Variants in STXBP5 observed in about 807,000 individuals in gnomAD.
STXBP5 encodes the protein syntaxin binding protein 5, also known as syntaxin-binding protein 5.
Under a neutral mutation model 152.4 loss-of-function variants are expected in STXBP5, and 50 were observed. That is an observed-to-expected ratio of 0.33 (90% confidence interval 0.26 to 0.42). STXBP5 has a LOEUF of 0.42. Ranked by LOEUF, STXBP5 falls within the 10% of genes least tolerant of loss-of-function variation. The probability of loss-of-function intolerance (pLI) is 1.00; values close to 1 mark genes in which losing one functional copy is unlikely to be tolerated. For missense variants in STXBP5, 1,167 were observed against 1,388.6 expected (o/e 0.84, Z 2.54); for synonymous variants, 492 against 494.7 (o/e 0.99, Z 0.07).
At chr6:147,213,778 A>G (rs965864624) in intron 2 of STXBP5, among the ~76,000 whole-genome samples, 4 of 152,100 alleles carry the variant, frequency 2.6e-5, no homozygotes, top group African/African-American at 9.7e-5. Flanking sequence ...CAGATAAGGA[A>G]ATAGTTTTTT....
In STXBP5 at chr6:147,386,547, T is replaced by C. The variant is rs1325268049; in HGVS notation, c.*1792T>C. 1 of 151,758 alleles carries C rather than the reference T, an allele frequency of 6.6e-6. No homozygotes were observed. Among genetic ancestry groups the C allele is most frequent in the African/African-American group, 2.4e-5 (1 of 41,398 alleles). The allele number at this position is 151,758 out of a possible 1,614,324, so 9.4% of individuals were successfully genotyped here. ...AGATAATTGATCAAGCCAAAAGAAA[T>C]ATTTTTTAAATAAGCCCTTTTCAAA... On this transcript the variant is annotated 3_prime_UTR_variant, in exon 28 of 28. Transcript: ENST00000321680.
Position 147,353,390 on chromosome 6 carries a change from T to C in STXBP5, c.2305+17T>C, listed in dbSNP as rs1784675627. 2 of 1,522,176 alleles carry C rather than the reference T, an allele frequency of 1.3e-6. No homozygotes were observed. Among genetic ancestry groups the C allele is most frequent in the South Asian group, 2.5e-5 (2 of 79,580 alleles). The allele number at this position is 1,522,176 out of a possible 1,614,324, so 94.3% of individuals were successfully genotyped here. The stretch of plus-strand genomic sequence containing the variant: ...CTGATTTAGGTAAGTAAAATAAATA[T>C]TCAAAATAATTTAACTCCCTATAAT... On this transcript the variant is annotated intron_variant, in intron 22 of 27. Coordinates refer to ENST00000321680, the MANE Select transcript of STXBP5 (RefSeq NM_001127715.4).
chr6:147,370,820 A>T (rs1344250841), intron 25 of STXBP5, among the ~76,000 whole-genome samples: 1 of 152,038 alleles, frequency 6.6e-6, no homozygotes, highest in African/African-American at 2.4e-5. Flanking sequence ...CTGTGTGTTT[A>T]TCCTGGAGAT....
rs566309176 is a variant in STXBP5, at chr6:147,258,847, C to A, written c.432-1768C>A. 3.8e-3 allele frequency among the ~76,000 whole-genome samples: 579 copies of A among 152,030 alleles called. 4 individuals are homozygous for A. Among genetic ancestry groups the A allele is most frequent in the Non-Finnish European group, 6.4e-3 (438 of 68,000 alleles). ...ATTTAATTATTTTATCATTTAAACC[C>A]TCCATAAGGTAAGGATTTTAATATC... On this transcript the variant is annotated intron_variant, in intron 4 of 27. Coordinates refer to ENST00000321680, the MANE Select transcript of STXBP5 (RefSeq NM_001127715.4).
intron 2 of STXBP5, among the ~76,000 whole-genome samples, chr6:147,230,314 C>A (rs1224857267): frequency 1.3e-5 from 2 of 151,862 alleles, no homozygotes; most frequent in African/African-American, 4.8e-5. Context: ...AAAATTACAA[C>A]TAGAATTAGA....
At chr6:147,275,664 TCTC>T (rs1410671440) in intron 7 of STXBP5, among the ~76,000 whole-genome samples, 2 of 149,036 alleles carry the variant, frequency 1.3e-5, no homozygotes, top group Admixed American at 6.8e-5. Context: ...TTCACGCCAT[TCTC>T]CTGCCTCAGC....
intron 4 of STXBP5, among the ~76,000 whole-genome samples, chr6:147,254,176 AAAAC>A (rs1779242932): frequency 6.6e-6 from 1 of 152,182 alleles, no homozygotes; most frequent in African/African-American, 2.4e-5. Flanking sequence ...AAACCTGACA[AAAAC>A]AAGCAATGGG....
intron 21 of STXBP5, among the ~76,000 whole-genome samples, chr6:147,344,835 T>G (rs953428089): frequency 6.6e-5 from 10 of 152,226 alleles, no homozygotes; most frequent in African/African-American, 2.4e-4. Flanking sequence ...TTGTATTCGG[T>G]ACAGAATTCT....
intron 2 of STXBP5, among the ~76,000 whole-genome samples, chr6:147,232,081 A>C (rs1778033864): frequency 6.6e-6 from 1 of 151,820 alleles, no homozygotes; most frequent in Non-Finnish European, 1.5e-5. Context: ...GCAGTTCTGC[A>C]AGCTAGTCTA....
At chr6:147,301,450 G>A (rs2128361966) in intron 9 of STXBP5, among the ~76,000 whole-genome samples, 1 of 152,058 alleles carries the variant, frequency 6.6e-6, no homozygotes, top group Non-Finnish European at 1.5e-5. Context: ...ATCTCTTTGA[G>A]TCTATGGACT....
chr6:147,322,580 T>G (rs1056446264), intron 16 of STXBP5, among the ~76,000 whole-genome samples: 1 of 152,184 alleles, frequency 6.6e-6, no homozygotes, highest in Non-Finnish European at 1.5e-5. Context: ...TGGCAGGAAA[T>G]TCAACATCGA....
intron 2 of STXBP5, among the ~76,000 whole-genome samples, chr6:147,215,653 A>G (rs1029807291): frequency 2.0e-5 from 3 of 152,216 alleles, no homozygotes; most frequent in Admixed American, 1.3e-4. Flanking sequence ...GAGTACTTGC[A>G]TTATAGGCGT....
At chr6:147,327,581 A>G (rs1197609963) in intron 18 of STXBP5, among the ~76,000 whole-genome samples, 2 of 152,124 alleles carry the variant, frequency 1.3e-5, no homozygotes, top group Non-Finnish European at 2.9e-5. Flanking sequence ...AGCTGGGACC[A>G]TAGGCACATG....
intron 19 of STXBP5, among the ~76,000 whole-genome samples, chr6:147,337,081 C>T (rs542131600): frequency 2.6e-5 from 4 of 151,982 alleles, no homozygotes; most frequent in Admixed American, 6.6e-5. Flanking sequence ...AAGGGAAAGA[C>T]TTTCATTTGA....
At chr6:147,300,205 AT>A (rs1781738340) in intron 9 of STXBP5, among the ~76,000 whole-genome samples, 1 of 152,122 alleles carries the variant, frequency 6.6e-6, no homozygotes, top group Admixed American at 6.6e-5. Context: ...AAGAATTAAT[AT>A]TGTTAAAATG....
At chr6:147,221,866 C>T (rs948746710) in intron 2 of STXBP5, among the ~76,000 whole-genome samples, 1 of 151,604 alleles carries the variant, frequency 6.6e-6, no homozygotes, top group East Asian at 1.9e-4. Flanking sequence ...TCTTTCTGTT[C>T]CCTCTTCTCC....
chr6:147,303,409 T>C (rs1420609287), intron 9 of STXBP5, among the ~76,000 whole-genome samples: 1 of 152,166 alleles, frequency 6.6e-6, no homozygotes, highest in Non-Finnish European at 1.5e-5. Flanking sequence ...TGATGGTAAG[T>C]TCCCTGAGGC....
chr6:147,305,736 A>G (rs1782057276), intron 9 of STXBP5, among the ~76,000 whole-genome samples: 1 of 152,230 alleles, frequency 6.6e-6, no homozygotes, highest in South Asian at 2.1e-4. Context: ...TTATTCATTC[A>G]GTAAATACAT....
At chr6:147,270,147 C>T (rs897541533) in intron 7 of STXBP5, among the ~76,000 whole-genome samples, 1 of 151,904 alleles carries the variant, frequency 6.6e-6, no homozygotes, top group Non-Finnish European at 1.5e-5. Flanking sequence ...TCCTGTAATC[C>T]CAGCACTTTG....
Sources: gnomAD v4.1 joint callset for allele counts (sites outside exome capture counted in the v4.1 genomes callset) on GRCh38, gnomAD v4.1.1 for gene constraint, MANE v1.5 for transcripts, NCBI Gene and HGNC (gene_info 2026-07-23, HGNC 2026-07-21) for gene names.